MAGI2: variants seen among roughly 807,000 people sequenced by gnomAD.
MAGI2 encodes membrane associated guanylate kinase, WW and PDZ domain containing 2.
MAGI2 carries 35 observed loss-of-function variants against 133.3 expected under a neutral mutation model. The observed-to-expected ratio is 0.26, with a 90% CI of 0.20 to 0.35. The LOEUF (loss-of-function observed/expected upper bound fraction) is 0.35. Ranked by LOEUF, MAGI2 falls within the 10% of genes least tolerant of loss-of-function variation. The probability of loss-of-function intolerance (pLI) is 1.00; values close to 1 mark genes in which losing one functional copy is unlikely to be tolerated. For missense variants in MAGI2, 1,636 were observed against 1,863.4 expected (o/e 0.88, Z 2.25); for synonymous variants, 729 against 710.6 (o/e 1.03, Z -0.41).
chr7:79,228,072 C>T (rs1278717292), intron 1 of MAGI2, among the ~76,000 whole-genome samples: 1 of 152,028 alleles, frequency 6.6e-6, no homozygotes, highest in African/African-American at 2.4e-5. Context: ...AGGCTAGGTG[C>T]CTTGTCTTAC....
At chr7:78,420,637 C>T (rs1204230941) in intron 6 of MAGI2, among the ~76,000 whole-genome samples, 1 of 151,584 alleles carries the variant, frequency 6.6e-6, no homozygotes, top group Non-Finnish European at 1.5e-5. Flanking sequence ...TGGAAATGGT[C>T]AGTTATCATA....
chr7:78,852,051 T>C (rs1027990342), intron 2 of MAGI2, among the ~76,000 whole-genome samples: 4 of 152,158 alleles, frequency 2.6e-5, no homozygotes, highest in African/African-American at 9.6e-5. Context: ...AGATATTATA[T>C]TGCCATATTT....
chr7:78,925,878 G>A (rs1799654274), intron 2 of MAGI2, among the ~76,000 whole-genome samples: 1 of 151,862 alleles, frequency 6.6e-6, no homozygotes, highest in South Asian at 2.1e-4. Flanking sequence ...GCTTATTAAA[G>A]CCCTCCATAA....
At chr7:78,370,466 TG>T (rs1161846138) in intron 6 of MAGI2, among the ~76,000 whole-genome samples, 2 of 152,014 alleles carry the variant, frequency 1.3e-5, no homozygotes, top group Non-Finnish European at 2.9e-5. Flanking sequence ...ATGTGTCATC[TG>T]TATTGGACCT....
intron 2 of MAGI2, among the ~76,000 whole-genome samples, chr7:78,707,821 A>T (rs1435811203): frequency 6.6e-6 from 1 of 152,000 alleles, no homozygotes; most frequent in Non-Finnish European, 1.5e-5. Context: ...CCCTGATTTT[A>T]CTCTCATAAA....
In MAGI2 at chr7:79,290,184, A is replaced by C. The variant is rs145915506; in HGVS notation, c.301+162836T>G. Among the ~76,000 whole-genome samples the C allele has an allele frequency of 5.2e-3, 785 of 152,112 alleles. 5 individuals are homozygous for C. The highest frequency in any genetic ancestry group is 0.018 in the African/African-American group (743 of 41,538). ...TAAGGGTACTATTGCTATTGTTATTATTGGTTACAATGATAAGCAAAACAC... is the reference window on the plus strand; with the variant it reads ...TAAGGGTACTATTGCTATTGTTATTCTTGGTTACAATGATAAGCAAAACAC... On this transcript the variant is annotated intron_variant, in intron 1 of 21. Transcript: ENST00000354212.
chr7:78,685,598 A>G (rs1585080690), intron 2 of MAGI2, among the ~76,000 whole-genome samples: 1 of 152,014 alleles, frequency 6.6e-6, no homozygotes, highest in Non-Finnish European at 1.5e-5. Context: ...AAAAAAGCAC[A>G]CGTGGTTCCT....
At chr7:78,129,675 T>C (rs910220195) in intron 18 of MAGI2, among the ~76,000 whole-genome samples, 1 of 152,108 alleles carries the variant, frequency 6.6e-6, no homozygotes, top group Admixed American at 6.5e-5. Context: ...CCAGATGCCG[T>C]GGCTCACGCC....
At chr7:79,432,301 T>C (rs1166674733) in intron 1 of MAGI2, among the ~76,000 whole-genome samples, 2 of 152,210 alleles carry the variant, frequency 1.3e-5, no homozygotes, top group Non-Finnish European at 2.9e-5. Flanking sequence ...TGCACAGAAG[T>C]GGTCATTTAA....
intron 2 of MAGI2, among the ~76,000 whole-genome samples, chr7:78,711,601 G>T (rs188642485): frequency 6.2e-5 from 5 of 80,342 alleles, no homozygotes; most frequent in Non-Finnish European, 9.9e-5. Flanking sequence ...AAGGACTGAC[G>T]ATGGAGTCTT....
At chr7:78,135,324 CT>C (rs1563166887) in intron 16 of MAGI2, 118 bp from the exon 17 acceptor site, 1 of 834,278 alleles carries the variant, frequency 1.2e-6, no homozygotes, top group Non-Finnish European at 1.9e-6. Context: ...GTGTATTTGC[CT>C]TTTGAAATCA....
intron 3 of MAGI2, among the ~76,000 whole-genome samples, chr7:78,535,310 A>G (rs1797796366): frequency 6.6e-6 from 1 of 152,172 alleles, no homozygotes; most frequent in African/African-American, 2.4e-5. Context: ...ATGGAACCTA[A>G]TAGGGTTTGT....
intron 9 of MAGI2, among the ~76,000 whole-genome samples, chr7:78,275,818 G>C (rs1233327408): frequency 6.6e-6 from 1 of 152,162 alleles, no homozygotes; most frequent in Non-Finnish European, 1.5e-5. Flanking sequence ...TAATGGACTA[G>C]AATATGGAGA....
chr7:78,221,281 C>T (rs147778296), intron 10 of MAGI2, among the ~76,000 whole-genome samples: 1 of 152,284 alleles, frequency 6.6e-6, no homozygotes, highest in Non-Finnish European at 1.5e-5. Flanking sequence ...ACATGGCAGA[C>T]CCTTAGTTCT....
At chr7:78,710,491 G>A (rs766825130) in intron 2 of MAGI2, among the ~76,000 whole-genome samples, 1 of 152,118 alleles carries the variant, frequency 6.6e-6, no homozygotes, top group Non-Finnish European at 1.5e-5. Context: ...ACATAACAAG[G>A]AGGAAGCAAG....
chr7:79,442,449 A>AGAGT (rs1400365218), intron 1 of MAGI2, among the ~76,000 whole-genome samples: 1 of 106,870 alleles, frequency 9.4e-6, no homozygotes, highest in South Asian at 2.9e-4. Flanking sequence ...TAGTGTTTGA[A>AGAGT]GAGTGTGTGT....
At chr7:78,759,903 G>A (rs141238674) in intron 2 of MAGI2, among the ~76,000 whole-genome samples, 2,388 of 152,122 alleles carry the variant, frequency 0.016, 72 homozygotes, top group African/African-American at 0.055. Flanking sequence ...CCAAGTGGGC[G>A]GATCATGAGG....
intron 2 of MAGI2, among the ~76,000 whole-genome samples, chr7:78,876,262 T>C (rs1167396510): frequency 7.4e-6 from 1 of 134,276 alleles, no homozygotes; most frequent in Admixed American, 8.6e-5. Flanking sequence ...GTGGACATTG[T>C]AGTGAGCCGA....
intron 1 of MAGI2, among the ~76,000 whole-genome samples, chr7:79,094,888 G>T (rs754308804): frequency 4.6e-5 from 7 of 152,176 alleles, no homozygotes; most frequent in Non-Finnish European, 1.0e-4. Context: ...TGGAACATGG[G>T]TAGAATAGAT....
Sources: gnomAD v4.1 joint callset for allele counts (sites outside exome capture counted in the v4.1 genomes callset) on GRCh38, gnomAD v4.1.1 for gene constraint, MANE v1.5 for transcripts, NCBI Gene and HGNC (gene_info 2026-07-23, HGNC 2026-07-21) for gene names.